The following ABCC4 variants were observed in gnomAD, a reference collection of about 807,000 sequenced individuals.
ABCC4 encodes the protein ATP-binding cassette sub-family C member 4.
Under a neutral mutation model 168.5 loss-of-function variants are expected in ABCC4, and 102 were observed. That is an observed-to-expected ratio of 0.61 (90% CI 0.52 to 0.71). The LOEUF is 0.71. ABCC4 is among the 30% of genes least tolerant of loss of function. The pLI is 0.00. For synonymous variants in ABCC4, 617 were observed against 590.7 expected (o/e 1.04, Z -0.65); for missense variants, 1,402 against 1,605.8 (o/e 0.87, Z 2.17).
Position 95,271,026 on chromosome 13 carries a change from C to T in ABCC4, c.75-23273G>A, listed in dbSNP as rs1014986695. ...AGGAGAATGGCGTGAACCTGGGAGG[C>T]GGAGCTTGCAGTGAGCCGAGATCGC... On this transcript the variant is annotated intron_variant, in intron 1 of 30. Coordinates refer to ENST00000645237, the MANE Select transcript of ABCC4 (RefSeq NM_005845.5). Among the ~76,000 whole-genome samples, 34 of 152,212 alleles carry T rather than the reference C, an allele frequency of 2.2e-4. 1 individual carries two copies. Among genetic ancestry groups the T allele is most frequent in the Admixed American group, 1.0e-3 (16 of 15,286 alleles).
intron 13 of ABCC4, among the ~76,000 whole-genome samples, chr13:95,174,433 G>C (rs1186084868): frequency 6.6e-6 from 1 of 152,206 alleles, no homozygotes; most frequent in Non-Finnish European, 1.5e-5. Context: ...TCCAGTTGCT[G>C]CTGAGTGATT....
chr13:95,117,304 G>T, intron 19 of ABCC4, among the ~76,000 whole-genome samples: 1 of 151,446 alleles, frequency 6.6e-6, no homozygotes, highest in South Asian at 2.1e-4. Flanking sequence ...CTTTTTCATG[G>T]CTGCTAGAAA....
intron 4 of ABCC4, among the ~76,000 whole-genome samples, chr13:95,214,581 C>T (rs1034732723): frequency 1.4e-4 from 21 of 152,038 alleles, no homozygotes; most frequent in African/African-American, 5.1e-4. Context: ...ATTTACAGTG[C>T]TGAAAGACAG....
chr13:95,071,540 G>C (rs2033723415), intron 25 of ABCC4, 122 bp downstream of exon 25: 2 of 852,564 alleles, frequency 2.3e-6, no homozygotes, highest in Non-Finnish European at 3.3e-6. Flanking sequence ...TCCATGGTTA[G>C]TTTCCAAGAC....
chr13:95,031,544 C>T (rs1342839185), intron 30 of ABCC4, among the ~76,000 whole-genome samples: 1 of 152,174 alleles, frequency 6.6e-6, no homozygotes, highest in Non-Finnish European at 1.5e-5. Flanking sequence ...TAGAATCATA[C>T]ATGTAAGAAC....
At chr13:95,176,270 G>A (rs994622434) in intron 13 of ABCC4, among the ~76,000 whole-genome samples, 1 of 125,482 alleles carries the variant, frequency 8.0e-6, no homozygotes, top group Non-Finnish European at 1.6e-5. Context: ...CCAGGAGTTC[G>A]AGACCAGCCT....
chr13:95,153,265 C>T (rs2036749306), intron 19 of ABCC4, among the ~76,000 whole-genome samples: 1 of 152,112 alleles, frequency 6.6e-6, no homozygotes, highest in African/African-American at 2.4e-5. Flanking sequence ...GTCACACATC[C>T]CATAGGCTAA....
intron 3 of ABCC4, among the ~76,000 whole-genome samples, chr13:95,242,031 A>C (rs950439124): frequency 2.0e-5 from 3 of 152,070 alleles, no homozygotes; most frequent in Admixed American, 6.6e-5. Flanking sequence ...TTCACACACA[A>C]AAAAAATTGG....
intron 20 of ABCC4, among the ~76,000 whole-genome samples, chr13:95,098,008 C>T (rs182243879): frequency 4.1e-4 from 62 of 151,802 alleles, no homozygotes; most frequent in East Asian, 5.8e-4. Flanking sequence ...TGGTGATGTG[C>T]GCCTGTAATC....
intron 11 of ABCC4, among the ~76,000 whole-genome samples, chr13:95,182,973 C>T (rs566210186): frequency 6.6e-5 from 10 of 150,888 alleles, no homozygotes; most frequent in East Asian, 5.8e-4. Context: ...ATTTTTAGCT[C>T]GATGAACTTA....
At chr13:95,162,255 A>AC (rs1267841250) in intron 18 of ABCC4, among the ~76,000 whole-genome samples, 3 of 152,172 alleles carry the variant, frequency 2.0e-5, no homozygotes, top group African/African-American at 7.2e-5. Flanking sequence ...GAAGGTAAAC[A>AC]CCTAACAGAT....
At chr13:95,093,341 C>T (rs1181959913) in intron 20 of ABCC4, among the ~76,000 whole-genome samples, 1 of 152,072 alleles carries the variant, frequency 6.6e-6, no homozygotes, top group Non-Finnish European at 1.5e-5. Context: ...AGATAAGCCA[C>T]CATGATCAAG....
intron 19 of ABCC4, among the ~76,000 whole-genome samples, chr13:95,132,627 T>G (rs1026819113): frequency 3.3e-5 from 5 of 152,214 alleles, no homozygotes; most frequent in Admixed American, 2.6e-4. Flanking sequence ...TAATTTTTTA[T>G]TGGATTGTTT....
chr13:95,081,565 C>T (rs928091216), intron 21 of ABCC4, among the ~76,000 whole-genome samples: 2 of 152,196 alleles, frequency 1.3e-5, no homozygotes, highest in Non-Finnish European at 2.9e-5. Context: ...CTCCACTGCT[C>T]GGCCTGCCCA....
rs151023762 is a variant in ABCC4, at chr13:95,081,944, A to T, written c.2686+1196T>A. 3.8e-3 allele frequency among the ~76,000 whole-genome samples: 572 copies of T among 152,222 alleles called. 4 individuals are homozygous for T. The highest frequency in any genetic ancestry group is 4.7e-3 in the Non-Finnish European group (322 of 67,984). ...GAACCCAGGAGGTGGAGGCTGCAGT[A>T]AGCTGAGATTGCGCCACTGCACTCC... On this transcript the variant is annotated intron_variant, in intron 21 of 30. Coordinates refer to ENST00000645237, the MANE Select transcript of ABCC4 (RefSeq NM_005845.5).
At chr13:95,025,328 CCA>C (rs1338590297) in intron 30 of ABCC4, among the ~76,000 whole-genome samples, 12 of 54,476 alleles carry the variant, frequency 2.2e-4, no homozygotes, top group African/African-American at 7.8e-4. Flanking sequence ...ACACCCACAC[CCA>C]CACACCCATA....
chr13:95,057,107 C>G (rs1370337916), intron 26 of ABCC4, among the ~76,000 whole-genome samples: 2 of 152,184 alleles, frequency 1.3e-5, no homozygotes, highest in African/African-American at 4.8e-5. Flanking sequence ...ACTTAACTAC[C>G]CTGTGTCATG....
Position 95,073,294 on chromosome 13 carries a change from G to A in ABCC4, c.2928C>T (p.Ala976=), listed in dbSNP as rs369993880. The change falls in exon 24 of 31, where the codon GCC becomes GCT. Residue 976 remains alanine (A), a synonymous_variant. Transcript: ENST00000645237. ...GSLILAKTLD[A]GQVGLALSYA... ...AGGACAGTGCCAAACCAACCTGCCC[G>A]GCATCCAGAGCTACGTAAGGAGGAA... The A allele has an allele frequency of 3.0e-5, 49 of 1,612,600 alleles. No homozygotes were observed. Among genetic ancestry groups the A allele is most frequent in the South Asian group, 2.0e-4 (18 of 90,830 alleles).
At chr13:95,202,230 C>A (rs1380469605) in intron 8 of ABCC4, among the ~76,000 whole-genome samples, 3 of 152,336 alleles carry the variant, frequency 2.0e-5, no homozygotes, top group South Asian at 4.1e-4. Context: ...ACTCAAGCTG[C>A]ATCATCAGCT....
Sources: allele counts gnomAD v4.1 joint callset (sites outside exome capture counted in the v4.1 genomes callset), GRCh38; gene constraint gnomAD v4.1.1; transcripts MANE v1.5; gene names NCBI Gene and HGNC (gene_info 2026-07-23, HGNC 2026-07-21).